Variants in XKR9 observed in about 807,000 individuals in gnomAD.
XKR9 encodes XK related 9, also known as XK-related protein 9.
Under a neutral mutation model 32.0 loss-of-function variants are expected in XKR9, and 32 were observed. The observed-to-expected ratio is 1.00, with a 90% CI of 0.76 to 1.34. The LOEUF (loss-of-function observed/expected upper bound fraction) is 1.34, where lower values mean the gene tolerates loss of function less well. Among genes scored for constraint, XKR9 ranks in the 40% most tolerant of loss-of-function variants. The probability of loss-of-function intolerance (pLI) is 0.00; values close to 1 mark genes in which losing one functional copy is unlikely to be tolerated. For synonymous variants in XKR9, 168 were observed against 143.4 expected (o/e 1.17, Z -1.22); for missense variants, 546 against 429.7 (o/e 1.27, Z -2.39).
rs145603605 is a variant in XKR9, at chr8:70,710,695, C to T, written c.493+3542C>T. Among the ~76,000 whole-genome samples, 895 of 140,636 alleles carry T rather than the reference C, an allele frequency of 6.4e-3. 12 individuals carry two copies. The highest frequency in any genetic ancestry group is 0.021 in the African/African-American group (855 of 39,816). The allele number at this position is 140,636 out of a possible 152,430, so 92.3% of individuals were successfully genotyped here. On this transcript the variant is annotated intron_variant, in intron 4 of 4. Transcript: ENST00000408926. ...CTCCAACCTGGGTGACAGAGCGAGA[C>T]TCCATCTCAAACAACAACAACAACA... is the stretch of plus-strand genomic sequence containing the variant.
chr8:70,746,916 C>T (rs1029206761), intron 2 of XKR9, among the ~76,000 whole-genome samples: 25 of 152,110 alleles, frequency 1.6e-4, no homozygotes, highest in African/African-American at 6.0e-4. Context: ...TTGCCCTCCT[C>T]CCTGTCTTCT....
the XKR9 span, among the ~76,000 whole-genome samples, chr8:70,904,010 G>C: frequency 6.6e-6 from 1 of 150,934 alleles, no homozygotes; most frequent in Non-Finnish European, 1.5e-5. Context: ...GAGACAGTTT[G>C]CATTTGCTGT....
At chr8:70,882,420 C>T in the XKR9 span, among the ~76,000 whole-genome samples, 39 of 151,440 alleles carry the variant, frequency 2.6e-4, no homozygotes, top group Middle Eastern at 3.4e-3. Flanking sequence ...TTTTCAAATG[C>T]GTATACTTTA....
At chr8:70,840,214 G>A in the XKR9 span, among the ~76,000 whole-genome samples, 1 of 152,074 alleles carries the variant, frequency 6.6e-6, no homozygotes, top group East Asian at 1.9e-4. Flanking sequence ...GGATAACTCT[G>A]GACTCTTGCT....
At chr8:70,685,804 C>T (rs1168113219) in intron 3 of XKR9, among the ~76,000 whole-genome samples, 1 of 150,406 alleles carries the variant, frequency 6.6e-6, no homozygotes, top group Non-Finnish European at 1.5e-5. Context: ...TTAATGGGTG[C>T]AGCACACCAG....
At chr8:70,898,199 T>C in the XKR9 span, among the ~76,000 whole-genome samples, 1 of 152,242 alleles carries the variant, frequency 6.6e-6, no homozygotes, top group Non-Finnish European at 1.5e-5. Context: ...TCTTGGCTTC[T>C]TTGTCAAAAA....
the XKR9 span, among the ~76,000 whole-genome samples, chr8:70,874,450 A>T: frequency 6.6e-6 from 1 of 152,212 alleles, no homozygotes; most frequent in Admixed American, 6.5e-5. Context: ...ATAAACCAGT[A>T]AGATAGTAAT....
chr8:70,808,479 G>A, the XKR9 span, among the ~76,000 whole-genome samples: 1 of 152,194 alleles, frequency 6.6e-6, no homozygotes, highest in African/African-American at 2.4e-5. Context: ...CAACGAGCAT[G>A]AGCTGAAGCA....
At chr8:71,050,328 T>G in the XKR9 span, among the ~76,000 whole-genome samples, 6 of 147,722 alleles carry the variant, frequency 4.1e-5, no homozygotes, top group South Asian at 2.1e-4. Flanking sequence ...TATAGATATA[T>G]ATGGCATATA....
chr8:71,025,363 T>A, the XKR9 span, among the ~76,000 whole-genome samples: 3 of 152,224 alleles, frequency 2.0e-5, no homozygotes, highest in African/African-American at 7.2e-5. Flanking sequence ...AACTCACCAA[T>A]GAGCTAAAAT....
Position 70,735,478 on chromosome 8 carries a change from T to A in XKR9, c.*1054T>A, listed in dbSNP as rs893323912. The A allele has an allele frequency of 6.6e-6, 1 of 150,678 alleles. No homozygotes were observed. The highest frequency in any genetic ancestry group is 1.5e-5 in the Non-Finnish European group (1 of 67,780). 9.3% of individuals were successfully genotyped at this position (150,678 alleles called of 1,614,324 possible). A position where few individuals can be genotyped will look rare whatever the true frequency, so the allele number is the denominator to read the frequency against. ...AATTTTATATTATTATTATTATTAT[T>A]ATACTTTAAGGTTTAGGGTACATGT... On this transcript the variant is annotated 3_prime_UTR_variant, in exon 5 of 5. Coordinates refer to ENST00000408926, the MANE Select transcript of XKR9 (RefSeq NM_001011720.2).
chr8:70,805,122 T>C, the XKR9 span, among the ~76,000 whole-genome samples: 1 of 152,084 alleles, frequency 6.6e-6, no homozygotes, highest in Non-Finnish European at 1.5e-5. Context: ...GCTGGCATGA[T>C]CTGTGGAGAG....
At chr8:70,976,071 G>A in the XKR9 span, among the ~76,000 whole-genome samples, 2 of 152,196 alleles carry the variant, frequency 1.3e-5, no homozygotes, top group Admixed American at 1.3e-4. Context: ...AAGAATGCTT[G>A]TGATTTTTGC....
chr8:71,031,807 C>A, the XKR9 span, among the ~76,000 whole-genome samples: 6 of 152,088 alleles, frequency 3.9e-5, no homozygotes, highest in African/African-American at 1.4e-4. Flanking sequence ...ATTTACATTT[C>A]CATTTGCTTT....
At chr8:70,728,593 C>A (rs917802682) in intron 4 of XKR9, among the ~76,000 whole-genome samples, 4 of 152,212 alleles carry the variant, frequency 2.6e-5, no homozygotes, top group Non-Finnish European at 4.4e-5. Flanking sequence ...TTGTAGCCCA[C>A]AAAGAATTTA....
chr8:70,835,004 C>T, the XKR9 span, among the ~76,000 whole-genome samples: 84 of 152,198 alleles, frequency 5.5e-4, no homozygotes, highest in African/African-American at 2.0e-3. Flanking sequence ...ACAAATCATG[C>T]TAGTACTTTT....
chr8:70,776,385 G>C (rs1002429687), intron 2 of XKR9, among the ~76,000 whole-genome samples: 1 of 151,976 alleles, frequency 6.6e-6, no homozygotes, highest in Non-Finnish European at 1.5e-5. Flanking sequence ...TTAAGTGTCT[G>C]TAGGATCTTA....
chr8:71,045,930 C>T, the XKR9 span, among the ~76,000 whole-genome samples: 56 of 151,968 alleles, frequency 3.7e-4, no homozygotes, highest in Middle Eastern at 3.2e-3. Context: ...ACGTGGGAGT[C>T]GGGAGGAGAT....
chr8:71,063,453 T>C, the XKR9 span, among the ~76,000 whole-genome samples: 2 of 152,060 alleles, frequency 1.3e-5, no homozygotes, highest in Non-Finnish European at 2.9e-5. Context: ...ATTCTGCATG[T>C]GGGTTGAGAA....
Sources: allele counts gnomAD v4.1 joint callset (sites outside exome capture counted in the v4.1 genomes callset), GRCh38; gene constraint gnomAD v4.1.1; transcripts MANE v1.5; gene names NCBI Gene and HGNC (gene_info 2026-07-23, HGNC 2026-07-21).